The following IFT81 variants were observed in gnomAD, a reference collection of about 807,000 sequenced individuals.
IFT81 encodes intraflagellar transport 81.
In IFT81, 72 loss-of-function variants were observed where a neutral mutation model predicts 102.6. The observed-to-expected ratio is 0.70, with a 90% CI of 0.58 to 0.85. The LOEUF (loss-of-function observed/expected upper bound fraction) is 0.85. Among genes scored for constraint, IFT81 ranks in the 40% least tolerant of loss-of-function variants. The pLI is 0.00. For missense variants in IFT81, 723 were observed against 787.3 expected, an observed-to-expected ratio of 0.92 and a Z score of 0.98; for synonymous variants, 237 against 242.7, an observed-to-expected ratio of 0.98 and a Z score of 0.22.
chr12:110,194,939 CTT>C (rs1255998308), intron 14 of IFT81, among the ~76,000 whole-genome samples: 1 of 152,096 alleles, frequency 6.6e-6, no homozygotes. Context: ...GCTTTCTTTT[CTT>C]TTAACATTTG....
rs760478237 is a variant in IFT81 at position 110,180,589 on chromosome 12, T to A, written c.1338+18T>A. 1.9e-5 allele frequency: 30 copies of A among 1,572,566 alleles called. No individual in the cohort carries two copies. The highest frequency in any genetic ancestry group is 2.6e-5 in the Non-Finnish European group (30 of 1,151,730). ...AACAACTGGTAATACAGTATTATCT[T>A]GGGCTACTATAAATACAAATGCCAG... On this transcript the variant is annotated intron_variant, in intron 12 of 18. Transcript: ENST00000242591.
intron 14 of IFT81, among the ~76,000 whole-genome samples, chr12:110,199,833 C>T (rs938489356): frequency 6.6e-6 from 1 of 152,186 alleles, no homozygotes; most frequent in African/African-American, 2.4e-5. Context: ...AACCGTGCAG[C>T]AGGAAACCAC....
At chr12:110,132,063 G>A (rs1566102271) in intron 4 of IFT81, among the ~76,000 whole-genome samples, 1 of 152,166 alleles carries the variant, frequency 6.6e-6, no homozygotes, top group Non-Finnish European at 1.5e-5. Context: ...TGGTAGAGAT[G>A]TACTTTTTTG....
chr12:110,135,321 C>T lies in IFT81; in HGVS notation c.586-6C>T. ...GTAACATGTACTACTTATTCCCTTA[C>T]TGTAGGTTGAGACAGCTCAGAATCA... is the stretch of plus-strand genomic sequence containing the variant. On this transcript the variant is annotated splice_polypyrimidine_tract_variant and splice_region_variant and intron_variant, in intron 6 of 18. Transcript: ENST00000242591. 6.3e-7 allele frequency: 1 copy of T among 1,577,470 alleles called. No individual in the cohort carries two copies.
At chr12:110,155,045 T>C (rs1895763529) in intron 10 of IFT81, among the ~76,000 whole-genome samples, 1 of 150,876 alleles carries the variant, frequency 6.6e-6, no homozygotes, top group African/African-American at 2.4e-5. Context: ...TTCATATATT[T>C]TGATGGTCTG....
intron 14 of IFT81, among the ~76,000 whole-genome samples, chr12:110,195,380 G>A (rs1197137562): frequency 6.6e-6 from 1 of 151,764 alleles, no homozygotes; most frequent in Non-Finnish European, 1.5e-5. Flanking sequence ...CTCTCCTCTA[G>A]CACCTGATTT....
At chr12:110,132,473 A>G in intron 4 of IFT81, 74 bp from the exon 5 acceptor site, 1 of 654,926 alleles carries the variant, frequency 1.5e-6, no homozygotes, top group Non-Finnish European at 2.5e-6. Flanking sequence ...AAAAAAAAAA[A>G]AAGAAAGAAA....
chr12:110,171,529 T>C (rs966943667), intron 11 of IFT81, among the ~76,000 whole-genome samples: 2 of 152,208 alleles, frequency 1.3e-5, no homozygotes, highest in African/African-American at 4.8e-5. Context: ...TGTAGATAAT[T>C]ACATTGCTTA....
chr12:110,140,281 C>A (rs1049692957), intron 8 of IFT81, among the ~76,000 whole-genome samples: 2 of 152,094 alleles, frequency 1.3e-5, no homozygotes, highest in Non-Finnish European at 2.9e-5. Flanking sequence ...CTCCCATGCC[C>A]TAAAGTGTAT....
Position 110,162,974 on chromosome 12 carries a change from A to C in IFT81, c.1097A>C (p.Lys366Thr). ...AAAGCTGAGGAACTTCAGGAGGCCA[A>C]GGAGAAGTTAGCCAGCCTAGAGAGA... ...EAKAEELQEA[K>T]EKLASLEREA... Residue 366 changes from lysine (K) to threonine (T), a missense_variant, in exon 11 of 19, where the codon AAG becomes ACG. Lys to Thr is a moderately conservative substitution (Grantham distance 78). Coordinates refer to ENST00000242591, the MANE Select transcript of IFT81 (RefSeq NM_014055.4). 6.2e-7 allele frequency: 1 copy of C among 1,614,016 alleles called. No individual in the cohort carries two copies. Among genetic ancestry groups the C allele is most frequent in the Non-Finnish European group, 8.5e-7 (1 of 1,179,924 alleles).
intron 11 of IFT81, among the ~76,000 whole-genome samples, chr12:110,173,279 G>A (rs1459238974): frequency 2.0e-5 from 3 of 147,704 alleles, no homozygotes; most frequent in Non-Finnish European, 3.0e-5. Flanking sequence ...CTGCCCGGCC[G>A]CCCCTACTGG....
chr12:110,172,931 CGGGAGGGAGGTGGGGGT>C (rs1896819951), intron 11 of IFT81, among the ~76,000 whole-genome samples: 1 of 129,408 alleles, frequency 7.7e-6, no homozygotes. Flanking sequence ...CCGCCCCGTC[CGGGAGGGAGGTGGGGGT>C]CAGCCCCCGC....
At chr12:110,168,297 GT>G (rs1457716398) in intron 11 of IFT81, 1 of 154,818 alleles carries the variant, frequency 6.5e-6, no homozygotes, top group Non-Finnish European at 1.4e-5. Context: ...GTCATCAATA[GT>G]TTGCACATGA....
At chr12:110,177,095 A>G (rs1338798412) in intron 11 of IFT81, among the ~76,000 whole-genome samples, 1 of 152,258 alleles carries the variant, frequency 6.6e-6, no homozygotes, top group East Asian at 1.9e-4. Context: ...GTACATTAGT[A>G]TGACTTAAAT....
intron 10 of IFT81, among the ~76,000 whole-genome samples, chr12:110,149,978 C>T (rs1010136240): frequency 2.0e-5 from 3 of 152,204 alleles, no homozygotes; most frequent in African/African-American, 7.2e-5. Flanking sequence ...TGGGGACAGA[C>T]CTGGGGGTGG....
At chr12:110,148,875 AT>A (rs1485231035) in intron 10 of IFT81, among the ~76,000 whole-genome samples, 1 of 152,164 alleles carries the variant, frequency 6.6e-6, no homozygotes, top group Non-Finnish European at 1.5e-5. Flanking sequence ...TTTTATCATT[AT>A]TTATCAGTTT....
At chr12:110,203,122 C>T (rs556733016) in intron 14 of IFT81, among the ~76,000 whole-genome samples, 1 of 152,100 alleles carries the variant, frequency 6.6e-6, no homozygotes, top group South Asian at 2.1e-4. Context: ...AAAAATTAGC[C>T]AGGCATGGTG....
chr12:110,125,438 AG>A (rs1422967180), intron 1 of IFT81, among the ~76,000 whole-genome samples: 8 of 152,278 alleles, frequency 5.3e-5, no homozygotes, highest in Admixed American at 3.9e-4. Context: ...TCTGTCCCCC[AG>A]GCTGGAGTGC....
intron 17 of IFT81, among the ~76,000 whole-genome samples, chr12:110,206,866 A>G (rs900473663): frequency 2.6e-5 from 4 of 152,166 alleles, no homozygotes; most frequent in Admixed American, 6.6e-5. Flanking sequence ...CTTTGTTCAT[A>G]TAAATCTATA....
Sources: allele counts gnomAD v4.1 joint callset (sites outside exome capture counted in the v4.1 genomes callset), GRCh38; gene constraint gnomAD v4.1.1; transcripts MANE v1.5; gene names NCBI Gene and HGNC (gene_info 2026-07-23, HGNC 2026-07-21).